PCSK5: variants seen among roughly 807,000 people sequenced by gnomAD.
PCSK5 encodes the protein prohormone convertase 5.
Under a neutral mutation model 233.2 loss-of-function variants are expected in PCSK5, and 129 were observed. That is an observed-to-expected ratio of 0.55 (90% CI 0.48 to 0.64). The LOEUF (loss-of-function observed/expected upper bound fraction) is 0.64. PCSK5 is among the 30% of genes least tolerant of loss of function. The pLI, the probability that PCSK5 is intolerant of heterozygous loss-of-function variation, is 0.00. For missense variants in PCSK5, 2,076 were observed against 2,430.1 expected, an observed-to-expected ratio of 0.85 and a Z score of 3.06; for synonymous variants, 825 against 879.2, an observed-to-expected ratio of 0.94 and a Z score of 1.09.
intron 30 of PCSK5, among the ~76,000 whole-genome samples, chr9:76,318,919 G>A (rs945406996): frequency 2.6e-5 from 4 of 152,144 alleles, no homozygotes; most frequent in East Asian, 1.9e-4. Context: ...GTCACATAGG[G>A]AAAAGAGAAG....
Position 76,243,036 on chromosome 9 carries a change from G to A in PCSK5, c.3142+2352G>A, listed in dbSNP as rs116151364. Among the ~76,000 whole-genome samples the A allele has an allele frequency of 7.4e-3, 1,123 of 152,280 alleles. 11 individuals carry two copies. Among genetic ancestry groups the A allele is most frequent in the African/African-American group, 0.026 (1,069 of 41,556 alleles). ...AGAAAACCATGGTCACTAGGTGTTCGCATTGGCCTCATTCTCCACTTAGCT... is the reference window on the plus strand; with the variant it reads ...AGAAAACCATGGTCACTAGGTGTTCACATTGGCCTCATTCTCCACTTAGCT... On this transcript the variant is annotated intron_variant, in intron 24 of 37. Transcript: ENST00000674117.
rs1029584367 is a variant in PCSK5 at position 76,285,202 on chromosome 9, G to A, written c.3143-7031G>A. On this transcript the variant is annotated intron_variant, in intron 24 of 37. Transcript: ENST00000674117. ...TATTGGCCAACCTGAATCCTGGGAA[G>A]TGAATGGAGCCCCTAGTTTGGTAGA... Among the ~76,000 whole-genome samples the A allele has an allele frequency of 3.9e-5, 6 of 152,188 alleles. No individual in the cohort carries two copies. The East Asian group carries it at 9.7e-4, about 25-fold the overall frequency.
chr9:76,153,683 G>C (rs1823767205), intron 10 of PCSK5, among the ~76,000 whole-genome samples: 1 of 152,194 alleles, frequency 6.6e-6, no homozygotes, highest in African/African-American at 2.4e-5. Flanking sequence ...AATTTCAAAC[G>C]TTAAGGGTGC....
intron 10 of PCSK5, among the ~76,000 whole-genome samples, chr9:76,137,619 C>A (rs941769365): frequency 1.3e-5 from 2 of 152,052 alleles, no homozygotes; most frequent in African/African-American, 2.4e-5. Flanking sequence ...AAGTTTCAGA[C>A]AACAGCTTTT....
chr9:75,944,004 A>G (rs1824442410), intron 2 of PCSK5, among the ~76,000 whole-genome samples: 1 of 151,972 alleles, frequency 6.6e-6, no homozygotes, highest in Non-Finnish European at 1.5e-5. Context: ...CTCAACAAAA[A>G]ATAAAAAAAT....
intron 7 of PCSK5, among the ~76,000 whole-genome samples, chr9:76,088,170 C>T (rs754109963): frequency 6.6e-5 from 10 of 152,126 alleles, no homozygotes; most frequent in Non-Finnish European, 1.5e-4. Flanking sequence ...AAAGCAGGTG[C>T]GTAAAGATTG....
intron 5 of PCSK5, among the ~76,000 whole-genome samples, chr9:76,051,072 G>C (rs753017970): frequency 6.6e-6 from 1 of 152,158 alleles, no homozygotes; most frequent in Non-Finnish European, 1.5e-5. Context: ...ATTTCTAGGG[G>C]TCTAACCTCA....
intron 3 of PCSK5, among the ~76,000 whole-genome samples, chr9:75,987,653 G>A (rs1009423008): frequency 1.3e-5 from 2 of 152,126 alleles, no homozygotes; most frequent in Non-Finnish European, 2.9e-5. Context: ...TGTTTAAGGG[G>A]AAAAAGGGAG....
At chr9:76,019,280 A>C (rs1016437134) in intron 3 of PCSK5, among the ~76,000 whole-genome samples, 1 of 152,018 alleles carries the variant, frequency 6.6e-6, no homozygotes, top group Non-Finnish European at 1.5e-5. Context: ...TTAACTTCCA[A>C]CAACTCCTGA....
chr9:76,138,430 C>A (rs185501017), intron 10 of PCSK5, among the ~76,000 whole-genome samples: 9 of 152,000 alleles, frequency 5.9e-5, no homozygotes, highest in Non-Finnish European at 7.4e-5. Flanking sequence ...TAGAGCCATG[C>A]GGAAGACTTT....
intron 32 of PCSK5, among the ~76,000 whole-genome samples, chr9:76,325,644 C>CTTTCTTTTTTTTTTTTTT (rs1230191426): frequency 0.049 from 7,317 of 148,738 alleles, 232 homozygotes; most frequent in Non-Finnish European, 0.059. Context: ...ATTGCACTTT[C>CTTTCTTTTTTTTTTTTTT]TTTTTTTTGA....
intron 3 of PCSK5, among the ~76,000 whole-genome samples, chr9:75,999,022 A>G (rs1169826614): frequency 1.3e-5 from 2 of 152,176 alleles, no homozygotes; most frequent in African/African-American, 4.8e-5. Context: ...AATAAGGCTT[A>G]TACATTGTGA....
intron 9 of PCSK5, among the ~76,000 whole-genome samples, chr9:76,112,544 T>A (rs1832266657): frequency 6.6e-6 from 1 of 152,160 alleles, no homozygotes; most frequent in Non-Finnish European, 1.5e-5. Context: ...ACCTACTTTC[T>A]CCTTATTACT....
chr9:76,030,615 C>T (rs563841489), intron 5 of PCSK5, among the ~76,000 whole-genome samples: 2 of 152,110 alleles, frequency 1.3e-5, no homozygotes, highest in African/African-American at 2.4e-5. Flanking sequence ...AAGTTAAAAA[C>T]CTTTTTATAT....
At chr9:76,043,187 A>G (rs141686630) in intron 5 of PCSK5, among the ~76,000 whole-genome samples, 2,112 of 152,116 alleles carry the variant, frequency 0.014, 55 homozygotes, top group African/African-American at 0.048. Flanking sequence ...TCTACTAAAA[A>G]TACAAAAAAT....
chr9:76,329,748 G>A (rs1019247111), intron 33 of PCSK5, among the ~76,000 whole-genome samples: 3 of 151,916 alleles, frequency 2.0e-5, no homozygotes, highest in African/African-American at 4.8e-5. Context: ...CAGGGGAATC[G>A]CTTGAACCCG....
chr9:76,154,919 C>A (rs1032932770), intron 10 of PCSK5, among the ~76,000 whole-genome samples: 1 of 151,966 alleles, frequency 6.6e-6, no homozygotes, highest in Non-Finnish European at 1.5e-5. Context: ...TTTTAATTAC[C>A]CCTCATGATG....
intron 20 of PCSK5, among the ~76,000 whole-genome samples, chr9:76,223,613 G>A (rs1171221270): frequency 6.6e-6 from 1 of 152,144 alleles, no homozygotes; most frequent in Non-Finnish European, 1.5e-5. Context: ...AGCATAGGAT[G>A]AGAAAGAAAC....
chr9:76,226,045 G>GTCCCAT (rs1825879167), intron 20 of PCSK5, among the ~76,000 whole-genome samples: 1 of 152,166 alleles, frequency 6.6e-6, no homozygotes, highest in Non-Finnish European at 1.5e-5. Flanking sequence ...AAGAATCACA[G>GTCCCAT]TCCCATTCCC....
Sources: gnomAD v4.1 joint callset for allele counts (sites outside exome capture counted in the v4.1 genomes callset) on GRCh38, gnomAD v4.1.1 for gene constraint, MANE v1.5 for transcripts, NCBI Gene and HGNC (gene_info 2026-07-23, HGNC 2026-07-21) for gene names.